FAAH2: variants seen among roughly 807,000 people sequenced by gnomAD.
FAAH2 encodes the protein fatty-acid amide hydrolase 2.
Under a neutral mutation model 36.9 loss-of-function variants are expected in FAAH2, and 60 were observed. The observed-to-expected ratio is 1.63, with a 90% CI of 1.32 to 2.02. The LOEUF (loss-of-function observed/expected upper bound fraction) is 2.02. FAAH2 is among the 30% of genes most tolerant of loss of function. The pLI is 0.00. For synonymous variants in FAAH2, 214 were observed against 143.8 expected (o/e 1.49, Z -3.49); for missense variants, 689 against 397.5 (o/e 1.73, Z -6.23).
chrX:57,362,387 G>T (rs1472984629), intron 5 of FAAH2, among the ~76,000 whole-genome samples: 1 of 110,845 alleles, frequency 9.0e-6, no homozygotes, highest in Non-Finnish European at 1.9e-5. Flanking sequence ...AGCATTAGGA[G>T]AAATACCTAA....
At chrX:57,135,756 C>T in the FAAH2 span, 5 of 1,165,818 alleles carry the variant, frequency 4.3e-6, no homozygotes, top group Non-Finnish European at 5.7e-6. Context: ...TGAAAGGCAA[C>T]ATTTTTTGCA....
intron 5 of FAAH2, among the ~76,000 whole-genome samples, chrX:57,369,626 A>G (rs941441546): frequency 4.5e-5 from 5 of 111,844 alleles, no homozygotes; most frequent in African/African-American, 1.6e-4. Flanking sequence ...TATTCTTCCA[A>G]AATGAAAGAG....
the FAAH2 span, among the ~76,000 whole-genome samples, chrX:57,238,333 C>A: frequency 2.7e-5 from 3 of 111,754 alleles, no homozygotes; most frequent in African/African-American, 9.8e-5. Context: ...AGAATGAGAT[C>A]ATGTCCTTTG....
At chrX:57,432,074 G>T in intron 8 of FAAH2, 37 bp downstream of exon 8, 3 of 1,128,161 alleles carry the variant, frequency 2.7e-6, no homozygotes, top group Non-Finnish European at 3.6e-6. Context: ...TTTTTTCTTT[G>T]TGTAAACATT....
At chrX:57,396,375 GTT>G (rs151133925) in intron 7 of FAAH2, among the ~76,000 whole-genome samples, 9 of 84,176 alleles carry the variant, frequency 1.1e-4, no homozygotes, top group East Asian at 7.5e-4. Context: ...TAGGTTTAGT[GTT>G]TTTTTTTTTT....
At chrX:57,440,153 T>A (rs2056517159) in intron 8 of FAAH2, among the ~76,000 whole-genome samples, 2 of 111,629 alleles carry the variant, frequency 1.8e-5, no homozygotes, top group South Asian at 7.5e-4. Context: ...CATTGGTAGC[T>A]TAATGGGGAT....
chrX:57,265,234 G>C, the FAAH2 span, among the ~76,000 whole-genome samples: 2,772 of 111,578 alleles, frequency 0.025, 81 homozygotes, highest in African/African-American at 0.086. Flanking sequence ...AGATACTCCA[G>C]CTTTCTGGGC....
intron 1 of FAAH2, among the ~76,000 whole-genome samples, chrX:57,287,429 T>C (rs770917880): frequency 1.8e-5 from 2 of 111,600 alleles, no homozygotes; most frequent in Non-Finnish European, 3.8e-5. Flanking sequence ...ATTCAACCAA[T>C]TCTTTTTAAA....
At chrX:57,280,147 AC>A in the FAAH2 span, among the ~76,000 whole-genome samples, 1 of 111,926 alleles carries the variant, frequency 8.9e-6, no homozygotes, top group African/African-American at 3.2e-5. Flanking sequence ...GGAAGACCCC[AC>A]TTTGAAAAAA....
the FAAH2 span, among the ~76,000 whole-genome samples, chrX:57,206,013 T>G: frequency 8.9e-6 from 1 of 112,173 alleles, no homozygotes; most frequent in Non-Finnish European, 1.9e-5. Flanking sequence ...TTCTACAAGA[T>G]CTTGCTCTTG....
At chrX:57,288,641 C>T (rs762613434) in intron 1 of FAAH2, among the ~76,000 whole-genome samples, 135 of 110,492 alleles carry the variant, frequency 1.2e-3, no homozygotes, top group Non-Finnish European at 1.9e-3. Context: ...TGAGCCACTG[C>T]GCCCGGCCTT....
chrX:57,372,064 T>C (rs762763470), intron 5 of FAAH2, among the ~76,000 whole-genome samples: 1 of 95,240 alleles, frequency 1.0e-5, no homozygotes, highest in South Asian at 5.6e-4. Context: ...ATATCTATTT[T>C]GAATCTATGT....
chrX:57,145,600 G>A, the FAAH2 span, among the ~76,000 whole-genome samples: 1 of 111,588 alleles, frequency 9.0e-6, no homozygotes, highest in Non-Finnish European at 1.9e-5. Flanking sequence ...AGTTGCATTC[G>A]CTTTTGGGTT....
At chrX:57,438,857 T>C (rs2056478133) in intron 8 of FAAH2, among the ~76,000 whole-genome samples, 2 of 105,662 alleles carry the variant, frequency 1.9e-5, no homozygotes, top group South Asian at 8.8e-4. Flanking sequence ...CGGTGTTTGG[T>C]TTTTTGTCCT....
chrX:57,184,796 T>C, the FAAH2 span, among the ~76,000 whole-genome samples: 1 of 112,053 alleles, frequency 8.9e-6, no homozygotes, highest in Non-Finnish European at 1.9e-5. Flanking sequence ...TTCCATATAA[T>C]CTCCTTTGGA....
chrX:57,279,611 G>C, the FAAH2 span, among the ~76,000 whole-genome samples: 1 of 111,285 alleles, frequency 9.0e-6, no homozygotes, highest in African/African-American at 3.3e-5. Context: ...TAATAAAAAA[G>C]AACCACAACA....
chrX:57,259,711 T>C, the FAAH2 span, among the ~76,000 whole-genome samples: 1 of 111,892 alleles, frequency 8.9e-6, no homozygotes, highest in African/African-American at 3.2e-5. Flanking sequence ...GGTAACTATG[T>C]GAGGTGATGG....
At chrX:57,126,496 C>T in the FAAH2 span, among the ~76,000 whole-genome samples, 2 of 111,852 alleles carry the variant, frequency 1.8e-5, no homozygotes, top group African/African-American at 6.5e-5. Context: ...AGGCATTTTC[C>T]GTTGGAGGAG....
chrX:57,382,240 G>A (rs904892560), intron 7 of FAAH2, among the ~76,000 whole-genome samples: 2 of 111,162 alleles, frequency 1.8e-5, no homozygotes, highest in South Asian at 3.9e-4. Context: ...TCTAAAATTG[G>A]CACTCTAACA....
Sources: gnomAD v4.1 joint callset for allele counts (sites outside exome capture counted in the v4.1 genomes callset) on GRCh38, gnomAD v4.1.1 for gene constraint, MANE v1.5 for transcripts, NCBI Gene and HGNC (gene_info 2026-07-23, HGNC 2026-07-21) for gene names.